The following UGT1A8 variants were observed in gnomAD, a reference collection of about 807,000 sequenced individuals.
UGT1A8 encodes UDP glucuronosyltransferase family 1 member A8, also known as UDP-glucuronosyltransferase 1A8.
UGT1A8 carries 39 observed loss-of-function variants against 45.3 expected under a neutral mutation model. The ratio of observed to expected loss-of-function variants is 0.86; its 90% confidence interval spans 0.67 to 1.12. UGT1A8 has a LOEUF of 1.12. Among genes scored for constraint, UGT1A8 ranks in the 50% most tolerant of loss-of-function variants. UGT1A8 has a pLI of 0.00. For synonymous variants in UGT1A8, 275 were observed against 249.2 expected, an observed-to-expected ratio of 1.10 and a Z score of -0.97; for missense variants, 719 against 664.9, an observed-to-expected ratio of 1.08 and a Z score of -0.90.
intron 1 of UGT1A8, among the ~76,000 whole-genome samples, chr2:233,707,023 C>G (rs892519669): frequency 1.1e-4 from 16 of 152,136 alleles, no homozygotes; most frequent in African/African-American, 3.6e-4. Flanking sequence ...CATGGTCAGC[C>G]AGCCCCCAAG....
rs146693320 is a variant in UGT1A8 at position 233,769,441 on chromosome 2, G to A, written c.1295+1002G>A. On this transcript the variant is annotated intron_variant, in intron 4 of 4. Transcript: ENST00000373450. The surrounding 1 kb of genome is among the most constrained non-coding windows in gnomAD (Gnocchi z 4.4). The stretch of plus-strand genomic sequence containing the variant: ...TGCATGTGGCTGTGCTCATGTGTGG[G>A]TGCACACGTGTGCATTCATATGCGT... 108 of 1,546,728 alleles carry A rather than the reference G, an allele frequency of 7.0e-5. No individual in the cohort carries two copies. Among genetic ancestry groups the A allele is most frequent in the Non-Finnish European group, 9.1e-5 (102 of 1,123,582 alleles).
chr2:233,671,990 C>T (rs778657995), intron 1 of UGT1A8: 1 of 1,614,096 alleles, frequency 6.2e-7, no homozygotes, highest in Non-Finnish European at 8.5e-7. Context: ...CTGCTGCTGA[C>T]CTGTGGCTTT....
intron 1 of UGT1A8, among the ~76,000 whole-genome samples, chr2:233,731,737 A>G (rs2078198933): frequency 6.6e-6 from 1 of 152,224 alleles, no homozygotes; most frequent in African/African-American, 2.4e-5. Context: ...TAGTGCCACA[A>G]TAAACATACG....
chr2:233,727,791 C>T (rs1410826393), intron 1 of UGT1A8, among the ~76,000 whole-genome samples: 1 of 152,234 alleles, frequency 6.6e-6, no homozygotes, highest in Non-Finnish European at 1.5e-5. Flanking sequence ...CTTCCATTCA[C>T]TGCCTGTCCC....
chr2:233,737,713 A>C (rs1453713127), intron 1 of UGT1A8, among the ~76,000 whole-genome samples: 1 of 151,992 alleles, frequency 6.6e-6, no homozygotes, highest in Non-Finnish European at 1.5e-5. Flanking sequence ...TCTCCTCTCC[A>C]ACACCTCCTT....
At chr2:233,711,526 C>T (rs1484293878) in intron 1 of UGT1A8, among the ~76,000 whole-genome samples, 1 of 152,234 alleles carries the variant, frequency 6.6e-6, no homozygotes, top group Non-Finnish European at 1.5e-5. Flanking sequence ...GTCCTCACAA[C>T]TCCCCGGGAA....
intron 1 of UGT1A8, chr2:233,719,222 T>G: frequency 6.2e-7 from 1 of 1,614,238 alleles, no homozygotes; most frequent in Non-Finnish European, 8.5e-7. Context: ...TACTGCATAA[T>G]GAGGCCCTGA....
intron 1 of UGT1A8, chr2:233,747,358 G>T: frequency 6.2e-7 from 1 of 1,603,224 alleles, no homozygotes; most frequent in African/African-American, 1.3e-5. Context: ...GAGGCCGTGC[G>T]GGAGCTCCAT....
intron 1 of UGT1A8, among the ~76,000 whole-genome samples, chr2:233,622,670 A>G (rs1468969365): frequency 2.0e-5 from 3 of 152,084 alleles, no homozygotes; most frequent in African/African-American, 4.8e-5. Context: ...CTCCCATTTC[A>G]TAGGTTGCCT....
Position 233,745,964 on chromosome 2 carries a change from C to T in UGT1A8, c.856-21070C>T, listed in dbSNP as rs543022659. Among the ~76,000 whole-genome samples, 31 of 151,710 alleles carry T rather than the reference C, an allele frequency of 2.0e-4. No homozygotes were observed. In the South Asian group the frequency reaches 6.4e-3, roughly 32 times the overall value. The stretch of plus-strand genomic sequence containing the variant: ...GGGTTGGGCAACTGGGGGACAGGGG[C>T]CCTGAAATGGGACCATGACAGCTGG... On this transcript the variant is annotated intron_variant, in intron 1 of 4. Transcript: ENST00000373450.
chr2:233,743,528 A>G (rs1026990918), intron 1 of UGT1A8: 10 of 1,367,274 alleles, frequency 7.3e-6, no homozygotes, highest in East Asian at 9.1e-5. Flanking sequence ...CTGCTTCCCC[A>G]GCAGTTCCTC....
intron 1 of UGT1A8, among the ~76,000 whole-genome samples, chr2:233,649,227 A>G (rs951568132): frequency 3.9e-5 from 6 of 152,154 alleles, no homozygotes; most frequent in African/African-American, 1.4e-4. Flanking sequence ...TGTGTATACG[A>G]TTGGTTAATT....
At chr2:233,660,793 G>A (rs529384577) in intron 1 of UGT1A8, among the ~76,000 whole-genome samples, 161 of 152,104 alleles carry the variant, frequency 1.1e-3, no homozygotes, top group Non-Finnish European at 2.1e-3. Context: ...AACTGGCTCA[G>A]GCAGATATTC....
intron 1 of UGT1A8, among the ~76,000 whole-genome samples, chr2:233,750,418 A>G (rs1270471550): frequency 3.3e-5 from 5 of 151,986 alleles, no homozygotes; most frequent in East Asian, 1.9e-4. Context: ...GTGGTAGAAA[A>G]GAAAAACCCA....
At chr2:233,716,681 T>C (rs991424130) in intron 1 of UGT1A8, among the ~76,000 whole-genome samples, 4 of 152,224 alleles carry the variant, frequency 2.6e-5, no homozygotes, top group African/African-American at 9.6e-5. Context: ...CCCCAAGATA[T>C]AGTTTCTACA....
intron 1 of UGT1A8, chr2:233,672,256 CTAT>C: frequency 4.3e-6 from 7 of 1,614,158 alleles, no homozygotes; most frequent in Non-Finnish European, 5.9e-6. Flanking sequence ...TATATATTCT[CTAT>C]TAATGGGTTC....
intron 1 of UGT1A8, chr2:233,743,868 C>T (rs1183331531): frequency 8.0e-6 from 11 of 1,367,072 alleles, no homozygotes; most frequent in East Asian, 4.5e-5. Context: ...TTGATGGCCT[C>T]GGATGAGGCC....
At chr2:233,737,085 G>C (rs1351233887) in intron 1 of UGT1A8, among the ~76,000 whole-genome samples, 2 of 152,202 alleles carry the variant, frequency 1.3e-5, no homozygotes, top group Non-Finnish European at 2.9e-5. Flanking sequence ...TGTCAGACAG[G>C]GATGTTTAAG....
chr2:233,723,473 G>A (rs1476221455), intron 1 of UGT1A8, among the ~76,000 whole-genome samples: 1 of 135,908 alleles, frequency 7.4e-6, no homozygotes, highest in Admixed American at 7.3e-5. Flanking sequence ...GCCTCCCAAA[G>A]TGCTAGGATT....
Sources: allele counts gnomAD v4.1 joint callset (sites outside exome capture counted in the v4.1 genomes callset), GRCh38; gene constraint gnomAD v4.1.1; non-coding constraint Gnocchi (gnomAD v3.1); transcripts MANE v1.5; gene names NCBI Gene and HGNC (gene_info 2026-07-23, HGNC 2026-07-21).